Variants in IL1RAP observed in about 807,000 individuals in gnomAD.
IL1RAP encodes the protein interleukin 1 receptor accessory protein, also known as interleukin-1 receptor accessory protein.
A neutral mutation model predicts 60.7 loss-of-function variants in IL1RAP; 35 were observed. The ratio of observed to expected loss-of-function variants is 0.58; its 90% CI spans 0.44 to 0.76. The LOEUF (loss-of-function observed/expected upper bound fraction) is 0.76. Among genes scored for constraint, IL1RAP ranks in the 30% least tolerant of loss-of-function variants. The probability of loss-of-function intolerance (pLI) is 0.00; values close to 1 mark genes in which losing one functional copy is unlikely to be tolerated. For synonymous variants in IL1RAP, 268 were observed against 250.9 expected, an observed-to-expected ratio of 1.07 and a Z score of -0.64; for missense variants, 572 against 693.9, an observed-to-expected ratio of 0.82 and a Z score of 1.97.
chr3:190,609,030 T>C lies in IL1RAP; in HGVS notation c.386T>C (p.Leu129Ser). The C allele has an allele frequency of 6.2e-7, 1 of 1,613,414 alleles. No individual in the cohort carries two copies. The highest frequency in any genetic ancestry group is 8.5e-7 in the Non-Finnish European group (1 of 1,179,598). The change falls in exon 5 of 12, where the codon TTG (leucine) becomes TCG (serine). Residue 129 changes from leucine to serine, a missense_variant. Leu to Ser is a moderately radical substitution (Grantham distance 145). Coordinates refer to ENST00000447382, the MANE Select transcript of IL1RAP (RefSeq NM_002182.4). ...TTYCSKVAFPLEVVQKDSCFN... is the reference protein window; with the variant it reads ...TTYCSKVAFPSEVVQKDSCFN... ...TATTGCAGCAAAGTTGCATTTCCCTTGGAAGTTGTTCAAAAAGACAGCTGT... is the reference window on the plus strand; with the variant it reads ...TATTGCAGCAAAGTTGCATTTCCCTCGGAAGTTGTTCAAAAAGACAGCTGT...
intron 1 of IL1RAP, among the ~76,000 whole-genome samples, chr3:190,522,581 G>A (rs1001450038): frequency 1.3e-5 from 2 of 152,046 alleles, no homozygotes; most frequent in African/African-American, 2.4e-5. Context: ...CAGTGCTGCT[G>A]TTTACCCAAA....
In IL1RAP at chr3:190,614,588, C is replaced by T. The variant is rs374006271; in HGVS notation, c.537+5407C>T. Among the ~76,000 whole-genome samples the T allele has an allele frequency of 2.6e-5, 4 of 152,220 alleles. No individual in the cohort carries two copies. The East Asian group carries it at 7.7e-4, about 29-fold the overall frequency. On this transcript the variant is annotated intron_variant, in intron 5 of 11. Coordinates refer to ENST00000447382, the MANE Select transcript of IL1RAP (RefSeq NM_002182.4). ...GGCTGTCATGTTTTCCCCATGTTAT[C>T]GTTGAGGAACCAAGGTATAGCGTGG...
rs1734392098 is a variant in IL1RAP at position 190,651,386 on chromosome 3, C to T, written c.*2681C>T. On this transcript the variant is annotated 3_prime_UTR_variant, in exon 12 of 12. Transcript: ENST00000447382. ...ACATCATTCATTAATTACTTATTTT[C>T]TTTCCATAGGTTTTAATATTTTGAG... The T allele has an allele frequency of 1.3e-6, 1 of 788,104 alleles. No homozygotes were observed. The highest frequency in any genetic ancestry group is 1.9e-5 in the African/African-American group (1 of 53,262). 48.8% of individuals were successfully genotyped at this position (788,104 alleles called of 1,614,324 possible). A position where few individuals can be genotyped will look rare whatever the true frequency, so the allele number is the denominator to read the frequency against.
intron 7 of IL1RAP, among the ~76,000 whole-genome samples, chr3:190,626,664 C>CTTTTTTTTTTTTTTTTTTTT (rs766018376): frequency 1.0e-5 from 1 of 99,988 alleles, no homozygotes; most frequent in African/African-American, 4.3e-5. Flanking sequence ...TGTCAGAGAC[C>CTTTTTTTTTTTTTTTTTTTT]TTTTTTTTTT....
intron 9 of IL1RAP, among the ~76,000 whole-genome samples, chr3:190,636,517 C>CT (rs527507565): frequency 8.9e-4 from 134 of 150,414 alleles, no homozygotes; most frequent in Non-Finnish European, 1.7e-3. Flanking sequence ...TTCCAGCTTT[C>CT]TTTTTTTTTA....
chr3:190,608,136 G>A lies in IL1RAP; in HGVS notation c.351-859G>A, dbSNP rs564834155. On this transcript the variant is annotated intron_variant, in intron 4 of 11. Coordinates refer to ENST00000447382, the MANE Select transcript of IL1RAP (RefSeq NM_002182.4). ...CAGTTATATTTTGCTGTGTTGAACAGCAGAACAGGGGATATGTTCTGAGAA... is the reference window on the plus strand; with the variant it reads ...CAGTTATATTTTGCTGTGTTGAACAACAGAACAGGGGATATGTTCTGAGAA... Among the ~76,000 whole-genome samples the A allele has an allele frequency of 2.6e-5, 4 of 152,324 alleles. No homozygotes were observed. The East Asian group carries it at 7.7e-4, about 29-fold the overall frequency.
chr3:190,573,776 T>A (rs1727210498), intron 3 of IL1RAP, among the ~76,000 whole-genome samples: 1 of 152,208 alleles, frequency 6.6e-6, no homozygotes, highest in African/African-American at 2.4e-5. Flanking sequence ...TGGCTTTAAA[T>A]CTATTTTATT....
At chr3:190,595,367 T>C (rs767723284) in intron 3 of IL1RAP, among the ~76,000 whole-genome samples, 3 of 152,230 alleles carry the variant, frequency 2.0e-5, no homozygotes, top group Non-Finnish European at 4.4e-5. Context: ...TTTTAGACTC[T>C]GGAACTCCTG....
At chr3:190,553,449 A>G (rs1725048593) in intron 1 of IL1RAP, among the ~76,000 whole-genome samples, 1 of 152,180 alleles carries the variant, frequency 6.6e-6, no homozygotes, top group Non-Finnish European at 1.5e-5. Context: ...AATTTTTTTT[A>G]ATGCCTGGGA....
At chr3:190,539,808 T>C (rs1440921804) in intron 1 of IL1RAP, among the ~76,000 whole-genome samples, 1 of 151,876 alleles carries the variant, frequency 6.6e-6, no homozygotes. Flanking sequence ...ACAACCCTAG[T>C]AGGGACTTGC....
At chr3:190,615,337 A>G (rs887656189) in intron 5 of IL1RAP, 2 of 1,268,362 alleles carry the variant, frequency 1.6e-6, no homozygotes, top group African/African-American at 1.5e-5. Context: ...CTCCAAACAT[A>G]TAGAAGTAAA....
intron 4 of IL1RAP, among the ~76,000 whole-genome samples, chr3:190,605,254 C>A (rs1370954663): frequency 6.6e-6 from 1 of 151,834 alleles, no homozygotes; most frequent in African/African-American, 2.4e-5. Context: ...ACTTTTTTTT[C>A]CCTTGAAAGT....
intron 9 of IL1RAP, among the ~76,000 whole-genome samples, chr3:190,634,778 C>T (rs1384799085): frequency 4.8e-5 from 7 of 145,188 alleles, no homozygotes; most frequent in Admixed American, 3.6e-4. Context: ...TGCAGTGGCG[C>T]GATCTCGGCT....
At chr3:190,627,228 C>T (rs541689890) in intron 7 of IL1RAP, 95 bp from the exon 8 acceptor site, 27 of 1,066,580 alleles carry the variant, frequency 2.5e-5, no homozygotes, top group African/African-American at 9.6e-5. Context: ...GAAGGATAAA[C>T]ACTAATGGGC....
chr3:190,582,724 G>T (rs547474451), intron 3 of IL1RAP, among the ~76,000 whole-genome samples: 2 of 152,266 alleles, frequency 1.3e-5, no homozygotes, highest in East Asian at 3.9e-4. Flanking sequence ...ATTTCAAATT[G>T]TAAATTAAAT....
chr3:190,625,436 G>A (rs954809502), intron 7 of IL1RAP, among the ~76,000 whole-genome samples: 1 of 152,066 alleles, frequency 6.6e-6, no homozygotes, highest in Admixed American at 6.5e-5. Context: ...GGAGCGAGGG[G>A]GCTAGGGTGA....
At chr3:190,615,394 G>A (rs1400826189) in intron 5 of IL1RAP, 2 of 824,296 alleles carry the variant, frequency 2.4e-6, no homozygotes, top group South Asian at 1.4e-5. Context: ...TTACTGATGA[G>A]ATTAATTTAG....
At chr3:190,616,069 A>G (rs1411229310) in intron 5 of IL1RAP, among the ~76,000 whole-genome samples, 1 of 152,158 alleles carries the variant, frequency 6.6e-6, no homozygotes, top group African/African-American at 2.4e-5. Context: ...ATATATGCAT[A>G]TACAGATAAC....
chr3:190,608,814 T>C (rs563828288), intron 4 of IL1RAP, among the ~76,000 whole-genome samples, 181 bp from the exon 5 acceptor site: 1 of 131,974 alleles, frequency 7.6e-6, no homozygotes, highest in African/African-American at 2.5e-5. Context: ...GCCTGTTTTT[T>C]TATTCTGTGA....
Sources: allele counts gnomAD v4.1 joint callset (sites outside exome capture counted in the v4.1 genomes callset), GRCh38; gene constraint gnomAD v4.1.1; transcripts MANE v1.5; gene names NCBI Gene and HGNC (gene_info 2026-07-23, HGNC 2026-07-21).